Variants in RBM46 observed in about 807,000 individuals in gnomAD.
The protein encoded by RBM46 is probable RNA-binding protein 46.
RBM46 carries 12 observed loss-of-function variants against 43.3 expected under a neutral mutation model. That is an observed-to-expected ratio of 0.28 (90% CI 0.18 to 0.45). The LOEUF is 0.45. Ranked by LOEUF, RBM46 falls within the 20% of genes least tolerant of loss-of-function variation. The probability of loss-of-function intolerance (pLI) is 1.00; values close to 1 mark genes in which losing one functional copy is unlikely to be tolerated. For missense variants in RBM46, 412 were observed against 639.1 expected (o/e 0.64, Z 3.83); for synonymous variants, 205 against 207.6 (o/e 0.99, Z 0.11).
At chr4:154,808,951 A>G (rs1442882916) in intron 4 of RBM46, among the ~76,000 whole-genome samples, 1 of 151,772 alleles carries the variant, frequency 6.6e-6, no homozygotes, top group Non-Finnish European at 1.5e-5. Context: ...AATACTAAGC[A>G]AAAATATGAT....
At chr4:154,820,867 A>C (rs533065499) in intron 4 of RBM46, among the ~76,000 whole-genome samples, 2 of 151,990 alleles carry the variant, frequency 1.3e-5, no homozygotes, top group East Asian at 3.9e-4. Context: ...GAGGAAGATA[A>C]GTTTTAGTAG....
rs1304940436 is a variant in RBM46, at chr4:154,807,243, A to G, written c.1402+7679A>G. On this transcript the variant is annotated intron_variant, in intron 4 of 4. Coordinates refer to ENST00000281722, the MANE Select transcript of RBM46 (RefSeq NM_144979.5). ...CATATTTTGAATGTAGCAGTTCATA[A>G]TTTTGCCACATGATGTCCCTAAATA... Among the ~76,000 whole-genome samples, 3 of 151,816 alleles carry G rather than the reference A, an allele frequency of 2.0e-5. No homozygotes were observed. The East Asian group carries it at 5.8e-4, about 29-fold the overall frequency.
At chr4:154,804,996 G>T (rs530656565) in intron 4 of RBM46, among the ~76,000 whole-genome samples, 2 of 152,136 alleles carry the variant, frequency 1.3e-5, no homozygotes, top group South Asian at 4.1e-4. Context: ...GGGAGTAGAA[G>T]AGGAAAAAGG....
At chr4:154,782,664 G>GT (rs904350075) in intron 1 of RBM46, among the ~76,000 whole-genome samples, 2 of 152,098 alleles carry the variant, frequency 1.3e-5, no homozygotes, top group African/African-American at 4.8e-5. Context: ...TTTTGTATTA[G>GT]TAGAGACAGG....
chr4:154,812,050 G>A (rs1735208629), intron 4 of RBM46, among the ~76,000 whole-genome samples: 1 of 148,698 alleles, frequency 6.7e-6, no homozygotes, highest in South Asian at 2.1e-4. Flanking sequence ...ACAGGCTTCA[G>A]TATGTTAAAT....
At chr4:154,808,532 C>T (rs552683773) in intron 4 of RBM46, among the ~76,000 whole-genome samples, 8 of 151,950 alleles carry the variant, frequency 5.3e-5, no homozygotes, top group Non-Finnish European at 1.2e-4. Flanking sequence ...TGAATATCCA[C>T]AAAATTTGCA....
At chr4:154,794,328 C>T (rs1344648061) in intron 1 of RBM46, among the ~76,000 whole-genome samples, 2 of 151,732 alleles carry the variant, frequency 1.3e-5, no homozygotes, top group Non-Finnish European at 2.9e-5. Flanking sequence ...CTACAGGCAC[C>T]CGCCACCACG....
At position 154,798,231 on chromosome 4, in the gene RBM46, A is replaced by T; in HGVS notation, c.572A>T (p.Tyr191Phe). ...AATCGTGGTTTTGCATTTGTGGAAT[A>T]TGAATCTCACAGAGCTGCTGCTATG... ...TKNRGFAFVE[Y>F]ESHRAAAMAR... The change falls in exon 3 of 5, where the codon TAT becomes TTT. Residue 191 changes from tyrosine to phenylalanine, a missense_variant. By Grantham distance (22) the Tyr-to-Phe change is conservative. Coordinates refer to ENST00000281722, the MANE Select transcript of RBM46 (RefSeq NM_144979.5). The T allele has an allele frequency of 6.2e-7, 1 of 1,610,210 alleles. No homozygotes were observed. The highest frequency in any genetic ancestry group is 8.5e-7 in the Non-Finnish European group (1 of 1,178,706).
chr4:154,805,161 G>A (rs966515889), intron 4 of RBM46, among the ~76,000 whole-genome samples: 2 of 152,104 alleles, frequency 1.3e-5, no homozygotes, highest in African/African-American at 4.8e-5. Context: ...TGTGACTTAG[G>A]AAGAATTAAA....
chr4:154,791,979 A>T (rs1321091569), intron 1 of RBM46, among the ~76,000 whole-genome samples: 1 of 152,198 alleles, frequency 6.6e-6, no homozygotes, highest in Admixed American at 6.5e-5. Flanking sequence ...ATCTAAAAAA[A>T]ATTGTGAAAA....
At chr4:154,790,442 A>G (rs1417982299) in intron 1 of RBM46, 1 of 152,204 alleles carries the variant, frequency 6.6e-6, no homozygotes, top group Non-Finnish European at 1.5e-5. Flanking sequence ...TGCTCCACTC[A>G]CTGACTTGAT....
intron 4 of RBM46, among the ~76,000 whole-genome samples, chr4:154,800,938 A>G (rs901714908): frequency 1.3e-5 from 2 of 151,902 alleles, no homozygotes; most frequent in African/African-American, 4.8e-5. Context: ...GCTTGCTTTT[A>G]TATATTGTTT....
At chr4:154,797,173 G>C (rs1734396460) in intron 2 of RBM46, among the ~76,000 whole-genome samples, 1 of 152,132 alleles carries the variant, frequency 6.6e-6, no homozygotes, top group Admixed American at 6.5e-5. Context: ...TAGGAAAAAG[G>C]GTGCTACTCT....
chr4:154,795,324 T>C (rs1468384086), intron 1 of RBM46, among the ~76,000 whole-genome samples: 2 of 152,220 alleles, frequency 1.3e-5, no homozygotes, highest in Non-Finnish European at 2.9e-5. Context: ...GTCTTGAACC[T>C]GAGTCTGCAC....
Position 154,820,567 on chromosome 4 carries a change from C to T in RBM46, c.1403-7301C>T, listed in dbSNP as rs1735677415. ...ATAATAGCCTTGTTAATTATAGACT[C>T]ATTAAGCAAATGTTTTAAAAAGTTA... is the stretch of plus-strand genomic sequence containing the variant. On this transcript the variant is annotated intron_variant, in intron 4 of 4. Coordinates refer to ENST00000281722, the MANE Select transcript of RBM46 (RefSeq NM_144979.5). 8.2e-6 allele frequency: 4 copies of T among 488,560 alleles called. No individual in the cohort carries two copies. The South Asian group carries it at 1.2e-4, about 15-fold the overall frequency. 30.3% of individuals were successfully genotyped at this position (488,560 alleles called of 1,614,324 possible). A position where few individuals can be genotyped will look rare whatever the true frequency, so the allele number is the denominator to read the frequency against.
intron 1 of RBM46, among the ~76,000 whole-genome samples, chr4:154,796,515 T>C (rs975736905): frequency 2.0e-5 from 3 of 152,204 alleles, no homozygotes; most frequent in African/African-American, 7.2e-5. Flanking sequence ...CCCTTTCTTA[T>C]AGCTTAGGCC....
At position 154,799,185 on chromosome 4, in the gene RBM46, A is replaced by C. The variant is rs1734494180; in HGVS notation, c.1023A>C (p.Pro341=). The part of the protein sequence containing the change: ...IVFANKEESH[P]KTLGKLPTLP... ...TTGCTAACAAAGAAGAGAGCCACCC[A>C]AAAACTCTAGGCAAGCTGCCAACTC... The change falls in exon 4 of 5, where the codon CCA becomes CCC. Residue 341 remains proline, a synonymous_variant. Coordinates refer to ENST00000281722, the MANE Select transcript of RBM46 (RefSeq NM_144979.5). 2 of 1,614,054 alleles carry C rather than the reference A, an allele frequency of 1.2e-6. No homozygotes were observed. The highest frequency in any genetic ancestry group is 2.7e-5 in the African/African-American group (2 of 75,048).
At chr4:154,827,092 C>T in intron 4 of RBM46, 3 of 1,096,024 alleles carry the variant, frequency 2.7e-6, no homozygotes, top group Non-Finnish European at 2.2e-6. Flanking sequence ...TACACACACA[C>T]ATATAAATGT....
intron 1 of RBM46, among the ~76,000 whole-genome samples, chr4:154,791,162 CTT>C (rs1338187996): frequency 2.0e-5 from 3 of 152,168 alleles, no homozygotes; most frequent in African/African-American, 7.2e-5. Context: ...TGCTGAAACA[CTT>C]GAGTTAAAGC....
Sources: gnomAD v4.1 joint callset for allele counts (sites outside exome capture counted in the v4.1 genomes callset) on GRCh38, gnomAD v4.1.1 for gene constraint, MANE v1.5 for transcripts, NCBI Gene and HGNC (gene_info 2026-07-23, HGNC 2026-07-21) for gene names.